Variants in AMMECR1 observed in about 807,000 individuals in gnomAD.
The protein encoded by AMMECR1 is AMMECR nuclear protein 1, also known as nuclear protein AMMECR1.
AMMECR1 carries 3 observed loss-of-function variants against 22.5 expected under a neutral mutation model. The ratio of observed to expected loss-of-function variants is 0.13; its 90% CI spans 0.06 to 0.35. AMMECR1 has a LOEUF of 0.35. Ranked by LOEUF, AMMECR1 falls within the 10% of genes least tolerant of loss-of-function variation. AMMECR1 has a pLI of 1.00. For missense variants in AMMECR1, 235 were observed against 278.7 expected, an observed-to-expected ratio of 0.84 and a Z score of 1.12; for synonymous variants, 130 against 116.7, an observed-to-expected ratio of 1.11 and a Z score of -0.74.
chrX:110,241,327 A>G (rs1394274095), intron 2 of AMMECR1, among the ~76,000 whole-genome samples: 1 of 111,964 alleles, frequency 8.9e-6, no homozygotes, highest in African/African-American at 3.2e-5. Flanking sequence ...CAAAGTAGAT[A>G]GACCGCTAGC....
At position 110,317,808 on chromosome X, in the gene AMMECR1, A is replaced by G; in HGVS notation, c.264T>C (p.Pro88=). The G allele has an allele frequency of 8.6e-7, 1 of 1,161,085 alleles. No homozygotes were observed. The highest frequency in any genetic ancestry group is 1.1e-6 in the Non-Finnish European group (1 of 870,163). The change falls in exon 1 of 6, where the codon CCT becomes CCC. Residue 88 remains proline, a synonymous_variant. Coordinates refer to ENST00000262844, the MANE Select transcript of AMMECR1 (RefSeq NM_015365.3). ...GGGGGIALSP[P]PSCGVGTLLS... ...GTAGGGTCCCCACTCCGCAGCTCGG[A>G]GGTGGCGACAGGGCGATCCCCCCGC...
At chrX:110,209,048 C>T (rs1448110310) in intron 3 of AMMECR1, among the ~76,000 whole-genome samples, 1 of 106,125 alleles carries the variant, frequency 9.4e-6, no homozygotes, top group Non-Finnish European at 1.9e-5. Flanking sequence ...ATAAAATTTT[C>T]TCAAAACCTA....
chrX:110,271,682 A>T (rs1480643513), intron 1 of AMMECR1, among the ~76,000 whole-genome samples: 2 of 112,181 alleles, frequency 1.8e-5, no homozygotes, highest in East Asian at 5.6e-4. Flanking sequence ...TTGGAAAAAA[A>T]TAGTATTTTT....
chrX:110,259,435 G>A (rs1415657803), intron 2 of AMMECR1, among the ~76,000 whole-genome samples: 1 of 111,183 alleles, frequency 9.0e-6, no homozygotes, highest in Non-Finnish European at 1.9e-5. Context: ...TAAGTGTGGT[G>A]ACAGACCACA....
At chrX:110,315,844 C>T (rs931304931) in intron 1 of AMMECR1, among the ~76,000 whole-genome samples, 12 of 112,065 alleles carry the variant, frequency 1.1e-4, no homozygotes, top group African/African-American at 3.9e-4. Flanking sequence ...AGCTTTAATA[C>T]ATCACAGACA....
At chrX:110,238,336 CTAAG>C (rs2067612376) in intron 2 of AMMECR1, among the ~76,000 whole-genome samples, 1 of 112,423 alleles carries the variant, frequency 8.9e-6, no homozygotes, top group Non-Finnish European at 1.9e-5. Context: ...TCAAAGATCT[CTAAG>C]TATAAATCTT....
In AMMECR1 at chrX:110,393,755, C is replaced by A. The variant is rs1243640988; in HGVS notation, c.-148+32903G>T. Among the ~76,000 whole-genome samples, 3 of 112,354 alleles carry A rather than the reference C, an allele frequency of 2.7e-5. No individual in the cohort carries two copies. The East Asian group carries it at 8.4e-4, about 31-fold the overall frequency. On this transcript the variant is annotated intron_variant, in intron 2 of 7. Coordinates refer to the AMMECR1 transcript ENST00000372057. ...TTAATGGGGAAAATTTGGTTTTCCC[C>A]AGGGCCACTGTCCATGGACAGGATG...
At chrX:110,377,805 C>G (rs1006745604) in intron 2 of AMMECR1, among the ~76,000 whole-genome samples, 2 of 108,684 alleles carry the variant, frequency 1.8e-5, no homozygotes, top group African/African-American at 3.4e-5. Flanking sequence ...GTCAGGAGAT[C>G]GAGACCATCC....
At chrX:110,265,202 G>A (rs1370356607) in intron 1 of AMMECR1, among the ~76,000 whole-genome samples, 1 of 110,890 alleles carries the variant, frequency 9.0e-6, no homozygotes, top group African/African-American at 3.3e-5. Flanking sequence ...ACTAATACAA[G>A]GAAAAAGGAA....
chrX:110,265,790 C>T (rs931731788), intron 1 of AMMECR1, among the ~76,000 whole-genome samples: 9 of 111,770 alleles, frequency 8.1e-5, no homozygotes, highest in African/African-American at 2.3e-4. Flanking sequence ...AGTTGGAGAA[C>T]ATCCTTTCTT....
chrX:110,275,284 G>A (rs1350300020), intron 1 of AMMECR1, among the ~76,000 whole-genome samples: 3 of 110,052 alleles, frequency 2.7e-5, no homozygotes, highest in Admixed American at 9.7e-5. Flanking sequence ...TTTCATTTTT[G>A]TCTGAAAAAA....
chrX:110,436,061 A>G (rs2068836649), intron 1 of AMMECR1, among the ~76,000 whole-genome samples: 1 of 112,700 alleles, frequency 8.9e-6, no homozygotes. Flanking sequence ...AGCCCCAACT[A>G]GCTCAAAATG....
Position 110,199,608 on chromosome X carries a change from T to C in AMMECR1, c.888-974A>G, listed in dbSNP as rs190898775. Among the ~76,000 whole-genome samples, 170 of 111,452 alleles carry C rather than the reference T, an allele frequency of 1.5e-3. 1 individual carries two copies. Among genetic ancestry groups the C allele is most frequent in the African/African-American group, 5.3e-3 (162 of 30,694 alleles). On this transcript the variant is annotated intron_variant, in intron 5 of 5. Coordinates refer to ENST00000262844, the MANE Select transcript of AMMECR1 (RefSeq NM_015365.3). ...TGATTAAAGGGATTACCTTGGTCCC[T>C]TTTATCTAGATTAACGCCTTGACTT...
chrX:110,368,215 G>A (rs2068312000), intron 2 of AMMECR1, among the ~76,000 whole-genome samples: 1 of 109,531 alleles, frequency 9.1e-6, no homozygotes, highest in African/African-American at 3.3e-5. Flanking sequence ...TTCTTACTTG[G>A]ATCATTACAT....
intron 2 of AMMECR1, among the ~76,000 whole-genome samples, chrX:110,353,496 G>C (rs1350025966): frequency 2.7e-5 from 3 of 110,928 alleles, no homozygotes; most frequent in Non-Finnish European, 5.7e-5. Context: ...CATAAGTTTT[G>C]GAGTGTTATG....
At chrX:110,339,969 AACATACACACACACACACAC>A (rs1376219479) in intron 2 of AMMECR1, among the ~76,000 whole-genome samples, 1 of 90,028 alleles carries the variant, frequency 1.1e-5, no homozygotes, top group African/African-American at 4.4e-5. Context: ...TTGAAGGCAA[AACATACACACACACACACAC>A]ACACACACAC....
chrX:110,230,692 A>G (rs1368949684), intron 2 of AMMECR1, among the ~76,000 whole-genome samples: 1 of 112,261 alleles, frequency 8.9e-6, no homozygotes, highest in Non-Finnish European at 1.9e-5. Flanking sequence ...TGACGAGTTG[A>G]CAGAAGTAGG....
intron 1 of AMMECR1, among the ~76,000 whole-genome samples, chrX:110,285,576 C>G (rs1228988661): frequency 8.9e-6 from 1 of 111,832 alleles, no homozygotes; most frequent in Admixed American, 9.5e-5. Flanking sequence ...CAAGGATTTC[C>G]AAATGCAGAA....
At chrX:110,214,973 G>A (rs1168661475) in intron 3 of AMMECR1, among the ~76,000 whole-genome samples, 5 of 111,231 alleles carry the variant, frequency 4.5e-5, no homozygotes, top group Non-Finnish European at 9.4e-5. Flanking sequence ...AATAAGTAGG[G>A]AACATGATTT....
Sources: allele counts gnomAD v4.1 joint callset (sites outside exome capture counted in the v4.1 genomes callset), GRCh38; gene constraint gnomAD v4.1.1; transcripts MANE v1.5; gene names NCBI Gene and HGNC (gene_info 2026-07-23, HGNC 2026-07-21).